MPZ: variants seen among roughly 807,000 people sequenced by gnomAD.
MPZ encodes the protein myelin protein zero.
Under a neutral mutation model 27.9 loss-of-function variants are expected in MPZ, and 13 were observed. The ratio of observed to expected loss-of-function variants is 0.47; its 90% CI spans 0.30 to 0.74. MPZ has a LOEUF of 0.74. Among genes scored for constraint, MPZ ranks in the 30% least tolerant of loss-of-function variants. MPZ has a pLI of 0.06. For synonymous variants in MPZ, 118 were observed against 128.9 expected (o/e 0.92, Z 0.57); for missense variants, 256 against 317.5 (o/e 0.81, Z 1.47).
At chr1:161,308,182 T>C (rs1052256804) in intron 1 of MPZ, among the ~76,000 whole-genome samples, 2 of 152,202 alleles carry the variant, frequency 1.3e-5, no homozygotes, top group Admixed American at 6.5e-5. Flanking sequence ...ATATAAGTCT[T>C]CTTCCCTGGC....
At chr1:161,306,655 C>T (rs1459820952) in intron 3 of MPZ, 53 bp downstream of exon 3, 13 of 1,589,960 alleles carry the variant, frequency 8.2e-6, no homozygotes, top group Non-Finnish European at 1.1e-5. Context: ...TCAGTCCTCC[C>T]TGATCCCCTC....
downstream of MPZ, among the ~76,000 whole-genome samples, chr1:161,304,120 T>C (rs1670172849): frequency 1.3e-5 from 2 of 152,202 alleles, no homozygotes; most frequent in African/African-American, 4.8e-5. Context: ...GAGGTATTAA[T>C]AGTATACCTA....
chr1:161,309,552 A>ATATATATTTTTTTT lies in MPZ; in HGVS notation c.67+286_67+287insAAAAAAAATATATA. 5.7e-3 allele frequency among the ~76,000 whole-genome samples: 458 copies of ATATATATTTTTTTT among 80,436 alleles called. 4 individuals are homozygous for ATATATATTTTTTTT. Among genetic ancestry groups the ATATATATTTTTTTT allele is most frequent in the East Asian group, 0.04 (155 of 3,922 alleles). 52.8% of individuals were successfully genotyped at this position (80,436 alleles called of 152,430 possible). A position where few individuals can be genotyped will look rare whatever the true frequency, so the allele number is the denominator to read the frequency against. ...TTTCTTTTCATATATATATATATAT[A>ATATATATTTTTTTT]TTTTTTTTTTTTTTGAATTTTACAG... is the stretch of plus-strand genomic sequence containing the variant. On this transcript the variant is annotated intron_variant, in intron 1 of 5. Transcript: ENST00000533357.
Position 161,309,551 on chromosome 1 carries a change from TA to T in MPZ, c.67+287del, listed in dbSNP as rs200584940. On this transcript the variant is annotated intron_variant, in intron 1 of 5. Coordinates refer to ENST00000533357, the MANE Select transcript of MPZ (RefSeq NM_000530.8). ...TTTTCTTTTCATATATATATATATA[TA>T]TTTTTTTTTTTTTTGAATTTTACAG... Among the ~76,000 whole-genome samples, 5,276 of 114,000 alleles carry T rather than the reference TA, an allele frequency of 0.046. 251 individuals carry two copies. The highest frequency in any genetic ancestry group is 0.066 in the Non-Finnish European group (3,613 of 54,584). The allele number at this position is 114,000 out of a possible 152,430, so 74.8% of individuals were successfully genotyped here. A position where few individuals can be genotyped will look rare whatever the true frequency, so the allele number is the denominator to read the frequency against.
chr1:161,307,862 T>C (rs1337941050), intron 1 of MPZ, among the ~76,000 whole-genome samples: 2 of 152,238 alleles, frequency 1.3e-5, no homozygotes, highest in African/African-American at 4.8e-5. Context: ...CTTTGACACT[T>C]AGCCCAACAA....
chr1:161,308,274 C>G (rs1188858495), intron 1 of MPZ, among the ~76,000 whole-genome samples: 1 of 152,044 alleles, frequency 6.6e-6, no homozygotes, highest in Non-Finnish European at 1.5e-5. Context: ...GGCCTCATAC[C>G]CCTCTCAGCT....
rs1558155851 is a variant in MPZ, at chr1:161,309,896, C to A, written c.10G>T (p.Gly4Trp). Residue 4 changes from glycine (G) to tryptophan (W), a missense_variant, in exon 1 of 6, where the codon GGG becomes TGG. Coordinates refer to ENST00000533357, the MANE Select transcript of MPZ (RefSeq NM_000530.8). Reference sequence around the variant, plus strand: ...GGGCTGGGGCTGGATGAGGGAGCCCCAGGAGCCATAGCTGGGGCAGGGGCA... The same window carrying A: ...GGGCTGGGGCTGGATGAGGGAGCCCAAGGAGCCATAGCTGGGGCAGGGGCA... MAP[G>W]APSSSPSPIL... is the part of the protein sequence containing the mutation. 2.5e-6 allele frequency: 4 copies of A among 1,588,600 alleles called. No homozygotes were observed. The highest frequency in any genetic ancestry group is 3.4e-6 in the Non-Finnish European group (4 of 1,168,700).
chr1:161,309,690 C>G, intron 1 of MPZ, 149 bp downstream of exon 1: 1 of 731,016 alleles, frequency 1.4e-6, no homozygotes. Flanking sequence ...CCATGCCCAG[C>G]CGCATATTTT....
chr1:161,307,883 T>G (rs575837990), intron 1 of MPZ, among the ~76,000 whole-genome samples: 10 of 152,348 alleles, frequency 6.6e-5, no homozygotes, highest in African/African-American at 2.2e-4. Context: ...ATTCCTTTCC[T>G]GTATTCCCTT....
In MPZ at chr1:161,305,629, T is replaced by C; in HGVS notation, c.*247A>G. 1 of 527,080 alleles carries C rather than the reference T, an allele frequency of 1.9e-6. No homozygotes were observed. The highest frequency in any genetic ancestry group is 2.2e-5 in the African/African-American group (1 of 46,320). 32.7% of individuals were successfully genotyped at this position (527,080 alleles called of 1,614,324 possible). ...AAGAGGGAAAGCACCTAGACGGGGG[T>C]AAGAGGAGCCTAGGTCCCCCTGCTC... On this transcript the variant is annotated 3_prime_UTR_variant, in exon 6 of 6. Transcript: ENST00000533357.
At chr1:161,307,014 C>CAAAAAAAAAAAAAACA in intron 2 of MPZ, 93 bp from the exon 3 acceptor site, 1 of 230,386 alleles carries the variant, frequency 4.3e-6, no homozygotes, top group Non-Finnish European at 7.4e-6. Context: ...AAGAAAAAAG[C>CAAAAAAAAAAAAAACA]AAAAAAAAAA....
chr1:161,307,038 A>AAAAAAAAAAAC, intron 2 of MPZ, 117 bp from the exon 3 acceptor site: 1 of 863,604 alleles, frequency 1.2e-6, no homozygotes, highest in Non-Finnish European at 1.8e-6. Flanking sequence ...AAAAAAAAAA[A>AAAAAAAAAAAC]GCTTCGCTCC....
rs115445049 is a variant in MPZ at position 161,307,087 on chromosome 1, G to A, written c.235-166C>T. Among the ~76,000 whole-genome samples, 1,123 of 151,538 alleles carry A rather than the reference G, an allele frequency of 7.4e-3. 8 individuals are homozygous for A. The highest frequency in any genetic ancestry group is 0.026 in the African/African-American group (1,060 of 41,194). On this transcript the variant is annotated intron_variant, in intron 2 of 5. Coordinates refer to ENST00000533357, the MANE Select transcript of MPZ (RefSeq NM_000530.8). ...GGGATCTTGGGCTGGAAAGGGTAGT[G>A]CTGGAGAAGGGAGGACAATGTAGTC...
At chr1:161,304,638 A>G (rs1670183346), downstream of MPZ, 1 of 152,776 alleles carries the variant, frequency 6.5e-6, no homozygotes, top group African/African-American at 2.4e-5. Context: ...CAAAAAAACA[A>G]ACTAAACAAC....
chr1:161,307,753 G>A (rs1408500304), intron 1 of MPZ, among the ~76,000 whole-genome samples: 1 of 152,174 alleles, frequency 6.6e-6, no homozygotes, highest in Non-Finnish European at 1.5e-5. Context: ...TTTAGATGCA[G>A]TGTTCTAAAT....
intron 3 of MPZ, 112 bp from the exon 4 acceptor site, chr1:161,306,576 T>G: frequency 6.4e-7 from 1 of 1,561,712 alleles, no homozygotes; most frequent in Non-Finnish European, 8.8e-7. Context: ...TAAAACTGCC[T>G]TCTGCCCACG....
In MPZ at chr1:161,307,159, C is replaced by T. The variant is rs992228633; in HGVS notation, c.234+99G>A. 1.1e-5 allele frequency: 16 copies of T among 1,501,736 alleles called. No homozygotes were observed. In the Admixed American group the frequency reaches 1.9e-4, roughly 17 times the overall value. 93.0% of individuals were successfully genotyped at this position (1,501,736 alleles called of 1,614,324 possible). On this transcript the variant is annotated intron_variant, in intron 2 of 5. Coordinates refer to ENST00000533357, the MANE Select transcript of MPZ (RefSeq NM_000530.8). ...TACCTTGCCAAAGTTGGGGTTATGG[C>T]TCAAAAAGGATTTCCCCCTCCTTAG...
chr1:161,306,657 G>C (rs748779729), intron 3 of MPZ, 51 bp downstream of exon 3: 1 of 1,588,990 alleles, frequency 6.3e-7, no homozygotes, highest in Non-Finnish European at 8.6e-7. Context: ...AGTCCTCCCT[G>C]ATCCCCTCCC....
At chr1:161,307,188 A>G (rs1670280822) in intron 2 of MPZ, 70 bp downstream of exon 2, 2 of 1,596,358 alleles carry the variant, frequency 1.3e-6, no homozygotes, top group Middle Eastern at 1.7e-4. Flanking sequence ...TCCTTAGCCC[A>G]AGTTATCTTT....
Sources: gnomAD v4.1 joint callset for allele counts (sites outside exome capture counted in the v4.1 genomes callset) on GRCh38, gnomAD v4.1.1 for gene constraint, MANE v1.5 for transcripts, NCBI Gene and HGNC (gene_info 2026-07-23, HGNC 2026-07-21) for gene names.